The following SYN2 variants were observed in gnomAD, a reference collection of about 807,000 sequenced individuals.
The protein encoded by SYN2 is synapsin-2.
Under a neutral mutation model 50.9 loss-of-function variants are expected in SYN2, and 19 were observed. The observed-to-expected ratio is 0.37, with a 90% CI of 0.26 to 0.55. The LOEUF (loss-of-function observed/expected upper bound fraction) is 0.55, where lower values mean the gene tolerates loss of function less well. Among genes scored for constraint, SYN2 ranks in the 20% least tolerant of loss-of-function variants. SYN2 has a pLI of 0.81. For synonymous variants in SYN2, 255 were observed against 224.9 expected (o/e 1.13, Z -1.20); for missense variants, 587 against 576.4 (o/e 1.02, Z -0.19).
intron 11 of SYN2, chr3:12,185,843 T>C: frequency 1.1e-6 from 1 of 890,368 alleles, no homozygotes; most frequent in Non-Finnish European, 1.3e-6. Flanking sequence ...TACAGGAGAA[T>C]GCTAATGCAA....
intron 1 of SYN2, among the ~76,000 whole-genome samples, chr3:12,044,588 A>C (rs1411589351): frequency 6.6e-6 from 1 of 152,180 alleles, no homozygotes; most frequent in Admixed American, 6.5e-5. Flanking sequence ...TGAAAATAGG[A>C]GGAATCCTTT....
At chr3:12,174,796 T>TA (rs1318019084) in intron 10 of SYN2, among the ~76,000 whole-genome samples, 2 of 152,128 alleles carry the variant, frequency 1.3e-5, no homozygotes, top group Admixed American at 1.3e-4. Context: ...GACTTTTCCT[T>TA]AACAGTATAA....
chr3:12,020,344 A>C, intron 1 of SYN2, among the ~76,000 whole-genome samples: 2 of 124,670 alleles, frequency 1.6e-5, no homozygotes, highest in South Asian at 3.1e-4. Context: ...CCCCCACATA[A>C]TTAGTCCCTC....
intron 10 of SYN2, among the ~76,000 whole-genome samples, chr3:12,173,143 C>T (rs17035990): frequency 0.034 from 5,184 of 152,198 alleles, 276 homozygotes; most frequent in African/African-American, 0.12. Flanking sequence ...AGCCTTGTGC[C>T]TTCACCTCAG....
intron 1 of SYN2, among the ~76,000 whole-genome samples, chr3:12,086,910 G>T (rs1180276667): frequency 1.3e-5 from 2 of 152,010 alleles, no homozygotes; most frequent in African/African-American, 4.8e-5. Flanking sequence ...TAGAAAAGGA[G>T]GAAGGGAAAT....
chr3:12,147,680 T>C (rs75587063), intron 4 of SYN2, among the ~76,000 whole-genome samples: 3,289 of 152,250 alleles, frequency 0.022, 136 homozygotes, highest in African/African-American at 0.075. Context: ...AGCAGCTTTT[T>C]CTGGGTGATT....
At chr3:12,065,901 G>A (rs1574919323) in intron 1 of SYN2, among the ~76,000 whole-genome samples, 1 of 152,076 alleles carries the variant, frequency 6.6e-6, no homozygotes, top group East Asian at 1.9e-4. Flanking sequence ...ACCACATGTT[G>A]TATGATTCCA....
intron 1 of SYN2, among the ~76,000 whole-genome samples, chr3:12,005,350 G>A (rs1371180536): frequency 6.6e-6 from 1 of 152,202 alleles, no homozygotes; most frequent in East Asian, 1.9e-4. Context: ...CATGAAGCAC[G>A]GAGTGAATTT....
rs555999922 is a variant in SYN2 at position 12,085,408 on chromosome 3, G to A, written c.378-55243G>A. Reference sequence around the variant, plus strand: ...ACGCACGCACGCACTCGATGTCAGAGCACCTAAATATATGTGGTGAATATT... The same window carrying A: ...ACGCACGCACGCACTCGATGTCAGAACACCTAAATATATGTGGTGAATATT... On this transcript the variant is annotated intron_variant, in intron 1 of 12. Coordinates refer to ENST00000621198, the MANE Select transcript of SYN2 (RefSeq NM_133625.6). 2.0e-5 allele frequency among the ~76,000 whole-genome samples: 3 copies of A among 151,718 alleles called. No individual in the cohort carries two copies. The South Asian group carries it at 6.2e-4, about 32-fold the overall frequency.
chr3:12,071,217 C>G, intron 1 of SYN2: 1 of 553,214 alleles, frequency 1.8e-6, no homozygotes, highest in Non-Finnish European at 3.7e-6. Context: ...CCATGAAGAT[C>G]AAGATCATCG....
Position 12,162,062 on chromosome 3 carries a change from T to G in SYN2, c.888T>G (p.Ala296=). Residue 296 remains alanine (A), a synonymous_variant, in exon 7 of 13, where the codon GCT becomes GCG. Coordinates refer to ENST00000621198, the MANE Select transcript of SYN2 (RefSeq NM_133625.6). ...YDFQDIASVV[A]LTQTYATAEP... is the part of the protein sequence containing the mutation. ...TCCAGGACATTGCCAGCGTGGTGGC[T>G]CTCACCCAGACCTATGCCACTGCAG... 6.2e-7 allele frequency: 1 copy of G among 1,613,982 alleles called. No individual in the cohort carries two copies. The highest frequency in any genetic ancestry group is 2.2e-5 in the East Asian group (1 of 44,882).
intron 1 of SYN2, among the ~76,000 whole-genome samples, chr3:12,129,181 A>G (rs995173016): frequency 6.6e-6 from 1 of 152,216 alleles, no homozygotes; most frequent in Non-Finnish European, 1.5e-5. Flanking sequence ...AGAGGAAACT[A>G]CTTTTGTTCA....
intron 1 of SYN2, among the ~76,000 whole-genome samples, chr3:12,015,214 C>T (rs1297278300): frequency 1.3e-5 from 2 of 152,240 alleles, no homozygotes; most frequent in East Asian, 3.8e-4. Flanking sequence ...AGCATCAGGA[C>T]TTAATCCTTC....
At position 12,191,143 on chromosome 3, in the gene SYN2, C is replaced by A. The variant is rs1252602694; in HGVS notation, c.*518C>A. On this transcript the variant is annotated 3_prime_UTR_variant, in exon 13 of 13. Coordinates refer to ENST00000621198, the MANE Select transcript of SYN2 (RefSeq NM_133625.6). ...TACCTGTGTTACTGTTTAAAGCACACCCACCCAACTTACAAGATCTTAGGC... is the reference window on the plus strand; with the variant it reads ...TACCTGTGTTACTGTTTAAAGCACAACCACCCAACTTACAAGATCTTAGGC... 1 of 985,596 alleles carries A rather than the reference C, an allele frequency of 1.0e-6. No individual in the cohort carries two copies. 61.1% of individuals were successfully genotyped at this position (985,596 alleles called of 1,614,324 possible).
At chr3:12,043,867 A>G (rs180804323) in intron 1 of SYN2, among the ~76,000 whole-genome samples, 2 of 152,132 alleles carry the variant, frequency 1.3e-5, no homozygotes, top group African/African-American at 2.4e-5. Context: ...TTTACCTAAT[A>G]TTTTATCTGT....
At chr3:12,179,618 C>T (rs1698177247) in intron 10 of SYN2, among the ~76,000 whole-genome samples, 1 of 152,164 alleles carries the variant, frequency 6.6e-6, no homozygotes, top group African/African-American at 2.4e-5. Context: ...ATGGTTACCT[C>T]ATTTATACCA....
intron 9 of SYN2, among the ~76,000 whole-genome samples, chr3:12,168,874 C>G (rs1391063076): frequency 6.6e-6 from 1 of 152,254 alleles, no homozygotes; most frequent in East Asian, 1.9e-4. Context: ...TAGTGTCTCT[C>G]TGAGCCTTGG....
At chr3:12,157,956 A>G (rs1005915942) in intron 5 of SYN2, among the ~76,000 whole-genome samples, 6 of 152,174 alleles carry the variant, frequency 3.9e-5, no homozygotes, top group African/African-American at 1.4e-4. Context: ...TTGCCATTTG[A>G]GCATTAATAA....
At chr3:12,057,349 C>T (rs1469130531) in intron 1 of SYN2, among the ~76,000 whole-genome samples, 1 of 144,272 alleles carries the variant, frequency 6.9e-6, no homozygotes, top group Non-Finnish European at 1.5e-5. Context: ...CTTTAAATCC[C>T]TTATTTTTAG....
Sources: gnomAD v4.1 joint callset for allele counts (sites outside exome capture counted in the v4.1 genomes callset) on GRCh38, gnomAD v4.1.1 for gene constraint, MANE v1.5 for transcripts, NCBI Gene and HGNC (gene_info 2026-07-23, HGNC 2026-07-21) for gene names.